The following VKORC1L1 variants were observed in gnomAD, a reference collection of about 807,000 sequenced individuals.
VKORC1L1 encodes the protein vitamin K epoxide reductase complex subunit 1L1.
In VKORC1L1, 2 loss-of-function variants were observed where a neutral mutation model predicts 18.9. That is an observed-to-expected ratio of 0.11 (90% confidence interval 0.04 to 0.33). The LOEUF (loss-of-function observed/expected upper bound fraction) is 0.33. Among genes scored for constraint, VKORC1L1 ranks in the 10% least tolerant of loss-of-function variants. The probability of loss-of-function intolerance (pLI) is 1.00; values close to 1 mark genes in which losing one functional copy is unlikely to be tolerated. For synonymous variants in VKORC1L1, 96 were observed against 100.0 expected (o/e 0.96, Z 0.24); for missense variants, 123 against 224.1 (o/e 0.55, Z 2.88).
intron 1 of VKORC1L1, among the ~76,000 whole-genome samples, chr7:65,875,033 A>C (rs1484106312): frequency 6.6e-6 from 1 of 152,200 alleles, no homozygotes; most frequent in East Asian, 1.9e-4. Context: ...GTTGTGACTG[A>C]AAGTGATGTT....
At chr7:65,898,239 A>G (rs1459407279) in intron 1 of VKORC1L1, among the ~76,000 whole-genome samples, 1 of 151,780 alleles carries the variant, frequency 6.6e-6, no homozygotes, top group African/African-American at 2.4e-5. Flanking sequence ...GGCGCCTGCC[A>G]TCACGCCCGG....
rs1308863792 is a variant in VKORC1L1 at position 65,956,180 on chromosome 7, T to C, written c.*1880T>C. The C allele has an allele frequency of 2.0e-5, 3 of 152,348 alleles. No individual in the cohort carries two copies. Among genetic ancestry groups the C allele is most frequent in the Admixed American group, 6.5e-5 (1 of 15,300 alleles). The allele number at this position is 152,348 out of a possible 1,614,324, so 9.4% of individuals were successfully genotyped here. On this transcript the variant is annotated 3_prime_UTR_variant, in exon 3 of 3. Transcript: ENST00000360768. ...AAGTACTGATTGGCCATCTGGTGTC[T>C]ATGGAGAAAGAAGTCCTCACGTTTG...
intron 1 of VKORC1L1, among the ~76,000 whole-genome samples, chr7:65,908,304 C>G (rs1432654852): frequency 6.6e-6 from 1 of 151,860 alleles, no homozygotes; most frequent in Non-Finnish European, 1.5e-5. Context: ...ATCCCAGCTA[C>G]TTGGGAGCTG....
intron 1 of VKORC1L1, among the ~76,000 whole-genome samples, chr7:65,894,440 A>T (rs191519397): frequency 6.6e-6 from 1 of 152,170 alleles, no homozygotes; most frequent in Non-Finnish European, 1.5e-5. Flanking sequence ...TGAAGGAAAA[A>T]ATTCTACTTA....
At chr7:65,885,593 G>A (rs1269428144) in intron 1 of VKORC1L1, among the ~76,000 whole-genome samples, 3 of 151,908 alleles carry the variant, frequency 2.0e-5, no homozygotes, top group Non-Finnish European at 4.4e-5. Flanking sequence ...TTTGTGTCTA[G>A]TGTAAGGGTA....
At chr7:65,890,527 C>T (rs1789094983) in intron 1 of VKORC1L1, among the ~76,000 whole-genome samples, 1 of 152,168 alleles carries the variant, frequency 6.6e-6, no homozygotes, top group African/African-American at 2.4e-5. Flanking sequence ...CCTTGGCCTC[C>T]CAGAGTGCTG....
intron 1 of VKORC1L1, among the ~76,000 whole-genome samples, chr7:65,894,629 G>A (rs1789162106): frequency 6.6e-6 from 1 of 152,196 alleles, no homozygotes; most frequent in African/African-American, 2.4e-5. Context: ...TCGGGAGGCT[G>A]AGGCAGGAGA....
intron 1 of VKORC1L1, among the ~76,000 whole-genome samples, chr7:65,931,070 A>G (rs189102132): frequency 7.2e-4 from 109 of 152,278 alleles, no homozygotes; most frequent in Admixed American, 1.2e-3. Context: ...TCCAAAATTA[A>G]TCCCACTTGG....
chr7:65,904,638 T>C (rs1789373935), intron 1 of VKORC1L1, among the ~76,000 whole-genome samples: 1 of 152,052 alleles, frequency 6.6e-6, no homozygotes, highest in Non-Finnish European at 1.5e-5. Flanking sequence ...GCTAATAAAC[T>C]GATAGTGGAA....
intron 1 of VKORC1L1, among the ~76,000 whole-genome samples, chr7:65,946,860 G>A (rs997735425): frequency 1.3e-5 from 2 of 152,048 alleles, no homozygotes; most frequent in Non-Finnish European, 2.9e-5. Context: ...TGAAGGCTGG[G>A]TGTCATAGCT....
chr7:65,875,985 A>G (rs1433181535), intron 1 of VKORC1L1, among the ~76,000 whole-genome samples: 2 of 152,198 alleles, frequency 1.3e-5, no homozygotes, highest in African/African-American at 4.8e-5. Context: ...GTAGAGATTA[A>G]TGAGAGAATC....
At chr7:65,870,597 T>C (rs1385394861), upstream of VKORC1L1, among the ~76,000 whole-genome samples, 2 of 152,298 alleles carry the variant, frequency 1.3e-5, no homozygotes, top group East Asian at 1.9e-4. Flanking sequence ...TGGACTATTA[T>C]ACAGTAATGA....
the VKORC1L1 span, among the ~76,000 whole-genome samples, chr7:65,867,199 AAGAAGGAGAAGG>A: frequency 1.3e-5 from 2 of 151,808 alleles, no homozygotes; most frequent in East Asian, 3.9e-4. Flanking sequence ...AAAAAGAAAG[AAGAAGGAGAAGG>A]AGAAGGAGTA....
intron 1 of VKORC1L1, among the ~76,000 whole-genome samples, chr7:65,946,994 T>C (rs1790129780): frequency 6.6e-6 from 1 of 150,722 alleles, no homozygotes; most frequent in African/African-American, 2.5e-5. Context: ...AAAAAAAATA[T>C]ATATATATAG....
At chr7:65,889,784 G>T (rs1308194245) in intron 1 of VKORC1L1, among the ~76,000 whole-genome samples, 6 of 152,136 alleles carry the variant, frequency 3.9e-5, no homozygotes, top group East Asian at 3.9e-4. Context: ...TTTGCTATTT[G>T]AACTTTATAT....
At chr7:65,896,592 T>C (rs1583832232) in intron 1 of VKORC1L1, among the ~76,000 whole-genome samples, 1 of 108,802 alleles carries the variant, frequency 9.2e-6, no homozygotes, top group African/African-American at 3.4e-5. Context: ...CCCTCCCTCC[T>C]TCCCTTTTCC....
the VKORC1L1 span, among the ~76,000 whole-genome samples, chr7:65,867,818 T>C: frequency 6.6e-6 from 1 of 152,176 alleles, no homozygotes; most frequent in African/African-American, 2.4e-5. Context: ...GACCTCACCA[T>C]GGGAGCAATG....
chr7:65,885,530 A>T (rs1788996961), intron 1 of VKORC1L1, among the ~76,000 whole-genome samples: 1 of 151,720 alleles, frequency 6.6e-6, no homozygotes, highest in Non-Finnish European at 1.5e-5. Context: ...CATATATTTT[A>T]TGTGAAAAAA....
intron 1 of VKORC1L1, among the ~76,000 whole-genome samples, chr7:65,896,522 C>T (rs994797110): frequency 1.3e-4 from 19 of 151,516 alleles, no homozygotes; most frequent in Non-Finnish European, 2.1e-4. Flanking sequence ...GGTTCCGCTC[C>T]TATCTTCCCC....
Sources: gnomAD v4.1 joint callset for allele counts (sites outside exome capture counted in the v4.1 genomes callset) on GRCh38, gnomAD v4.1.1 for gene constraint, MANE v1.5 for transcripts, NCBI Gene and HGNC (gene_info 2026-07-23, HGNC 2026-07-21) for gene names.